The following PIAS3 variants were observed in gnomAD, a reference collection of about 807,000 sequenced individuals.
PIAS3 encodes E3 SUMO-protein ligase PIAS3.
Under a neutral mutation model 67.6 loss-of-function variants are expected in PIAS3, and 34 were observed. The ratio of observed to expected loss-of-function variants is 0.50; its 90% CI spans 0.38 to 0.67. PIAS3 has a LOEUF of 0.67. Ranked by LOEUF, PIAS3 falls within the 30% of genes least tolerant of loss-of-function variation. The pLI is 0.00. For synonymous variants in PIAS3, 341 were observed against 313.8 expected, an observed-to-expected ratio of 1.09 and a Z score of -0.92; for missense variants, 693 against 791.6, an observed-to-expected ratio of 0.88 and a Z score of 1.49.
At chr1:145,854,016 C>T (rs1174046941) in intron 7 of PIAS3, 130 bp from the exon 8 acceptor site, 7 of 705,652 alleles carry the variant, frequency 9.9e-6, no homozygotes, top group East Asian at 2.7e-5. Flanking sequence ...GCCAGTGGGA[C>T]GTCACATGGA....
chr1:145,850,373 T>G, intron 12 of PIAS3, 80 bp downstream of exon 12: 1 of 1,611,190 alleles, frequency 6.2e-7, no homozygotes, highest in Non-Finnish European at 8.5e-7. Context: ...AGCAGGAGGC[T>G]TTGAGAAGGA....
chr1:145,853,750 T>C (rs1653054235), intron 8 of PIAS3, 63 bp downstream of exon 8: 1 of 1,608,038 alleles, frequency 6.2e-7, no homozygotes, highest in African/African-American at 1.3e-5. Flanking sequence ...GGAACCCTCA[T>C]CAAAGTCCAC....
rs1553735676 is a variant in PIAS3 at position 145,856,597 on chromosome 1, G to A, written c.434C>T (p.Thr145Ile). The change falls in exon 2 of 14, where the codon ACC becomes ATC. Residue 145 changes from threonine to isoleucine, a missense_variant. By Grantham distance (89) the Thr-to-Ile change is moderately conservative. Transcript: ENST00000393045. Reference sequence around the variant, plus strand: ...ACCACAAAGAGCCATACCAAGGGTGGTGGGCCGGATGAGCTCCCCATAGAC... The same window carrying A: ...ACCACAAAGAGCCATACCAAGGGTGATGGGCCGGATGAGCTCCCCATAGAC... ...YEVYGELIRP[T>I]TLASTSSQRF... The A allele has an allele frequency of 6.4e-7, 1 of 1,566,212 alleles. No homozygotes were observed. The highest frequency in any genetic ancestry group is 1.2e-5 in the South Asian group (1 of 82,620).
At position 145,849,471 on chromosome 1, in the gene PIAS3, C is replaced by A; in HGVS notation, c.1862G>T (p.Arg621Leu). Reference protein sequence around the residue: ...LPSGPSLTGCRSDIISLD With the variant: ...LPSGPSLTGCLSDIISLD The stretch of plus-strand genomic sequence containing the variant: ...TCAGTCCAGGGAAATGATGTCTGAC[C>A]GACAGCCAGTCAAAGAGGGACCTGA... The change falls in exon 14 of 14, where the codon CGG (arginine) becomes CTG (leucine). Residue 621 changes from arginine (R) to leucine (L), a missense_variant. Coordinates refer to ENST00000393045, the MANE Select transcript of PIAS3 (RefSeq NM_006099.3). 1 of 1,508,654 alleles carries A rather than the reference C, an allele frequency of 6.6e-7. No individual in the cohort carries two copies. Among genetic ancestry groups the A allele is most frequent in the Non-Finnish European group, 8.8e-7 (1 of 1,132,646 alleles). The allele number at this position is 1,508,654 out of a possible 1,614,324, so 93.5% of individuals were successfully genotyped here.
rs1438805829 is a variant in PIAS3 at position 145,854,474 on chromosome 1, G to A, written c.894C>T (p.Asp298=). ...GTTACTCACTCAGTGCCCGCGAGTG[G>A]TCTGGGTTCCGGATACCCTTTGCTC... The part of the protein sequence containing the change: ...KLRAKGIRNP[D]HSRALIKEKL... Residue 298 remains aspartate (D), a synonymous_variant, in exon 7 of 14, where the codon GAC becomes GAT. Transcript: ENST00000393045. 2 of 1,613,114 alleles carry A rather than the reference G, an allele frequency of 1.2e-6. No individual in the cohort carries two copies. Among genetic ancestry groups the A allele is most frequent in the African/African-American group, 2.7e-5 (2 of 74,904 alleles).
At position 145,859,055 on chromosome 1, in the gene PIAS3, T is replaced by C; in HGVS notation, c.-65A>G. ...AGGCCCAGGGACCGGCGCACAACTC[T>C]CCACCCTGGCGCCGGCCGCAAATGC... On this transcript the variant is annotated 5_prime_UTR_variant, in exon 1 of 14. Transcript: ENST00000393045. The C allele has an allele frequency of 6.7e-7, 1 of 1,494,154 alleles. No individual in the cohort carries two copies. Among genetic ancestry groups the C allele is most frequent in the Non-Finnish European group, 9.0e-7 (1 of 1,114,662 alleles). 92.6% of individuals were successfully genotyped at this position (1,494,154 alleles called of 1,614,324 possible).
intron 11 of PIAS3, 67 bp from the exon 12 acceptor site, chr1:145,850,653 G>C: frequency 3.1e-6 from 5 of 1,600,000 alleles, no homozygotes; most frequent in Non-Finnish European, 3.4e-6. Flanking sequence ...CAGGTCCCCA[G>C]GTTCCCTCTC....
chr1:145,854,907 G>T (rs781823111), intron 5 of PIAS3, 27 bp from the exon 6 acceptor site: 23 of 1,612,730 alleles, frequency 1.4e-5, no homozygotes, highest in Non-Finnish European at 2.0e-5. Flanking sequence ...TTGGTCAGTG[G>T]AGAAGTGGCT....
intron 1 of PIAS3, 56 bp downstream of exon 1, chr1:145,858,911 G>C: frequency 1.4e-6 from 2 of 1,447,538 alleles, no homozygotes; most frequent in Non-Finnish European, 1.8e-6. Context: ...TCGCTTCCCG[G>C]ACACGGCGTA....
intron 5 of PIAS3, among the ~76,000 whole-genome samples, 154 bp from the exon 6 acceptor site, chr1:145,855,034 C>T (rs1361970397): frequency 6.6e-6 from 1 of 152,200 alleles, no homozygotes; most frequent in Non-Finnish European, 1.5e-5. Context: ...CATTCAGTGG[C>T]TCACAAAACT....
At chr1:145,855,342 C>T (rs1228459127) in intron 5 of PIAS3, among the ~76,000 whole-genome samples, 1 of 152,006 alleles carries the variant, frequency 6.6e-6, no homozygotes, top group East Asian at 1.9e-4. Context: ...ATTAGCCGGG[C>T]AGGGTGGTGG....
rs1653058307 is a variant in PIAS3, at chr1:145,853,858, G to T, written c.939C>A (p.Asp313Glu). The T allele has an allele frequency of 6.2e-7, 1 of 1,613,966 alleles. No homozygotes were observed. Among genetic ancestry groups the T allele is most frequent in the South Asian group, 1.1e-5 (1 of 91,080 alleles). The change falls in exon 8 of 14, where the codon GAC (aspartate) becomes GAA (glutamate). Residue 313 changes from aspartate to glutamate, a missense_variant. By Grantham distance (45) the Asp-to-Glu change is conservative. Transcript: ENST00000393045. ...LIKEKLTADP[D>E]SEVATTSLRV... ...GGAGACTTGTAGTGGCCACCTCACTGTCAGGGTCAGCAGTCAATTTCTCCT... is the reference window on the plus strand; with the variant it reads ...GGAGACTTGTAGTGGCCACCTCACTTTCAGGGTCAGCAGTCAATTTCTCCT...
Position 145,850,954 on chromosome 1 carries a change from A to T in PIAS3, c.1280-15T>A. 1 of 1,614,102 alleles carries T rather than the reference A, an allele frequency of 6.2e-7. No homozygotes were observed. Among genetic ancestry groups the T allele is most frequent in the Non-Finnish European group, 8.5e-7 (1 of 1,180,004 alleles). On this transcript the variant is annotated splice_polypyrimidine_tract_variant and intron_variant, in intron 10 of 13. Transcript: ENST00000393045. ...GTACTGGAGGCCTGTGGGTATTAAG[A>T]AGACTACGTCTCAGAGAAGAGGCCA...
chr1:145,856,115 C>T lies in PIAS3; in HGVS notation c.531G>A (p.Glu177=). 1 of 1,613,640 alleles carries T rather than the reference C, an allele frequency of 6.2e-7. No individual in the cohort carries two copies. Among genetic ancestry groups the T allele is most frequent in the Non-Finnish European group, 8.5e-7 (1 of 1,179,536 alleles). The part of the protein sequence containing the change: ...QQVQQILTSR[E]VLPGAKCDYT... The stretch of plus-strand genomic sequence containing the variant: ...AATCACATTTGGCTCCTGGCAGAAC[C>T]TCTCTGTAACAGGGAGGGAGATGAA... Residue 177 remains glutamate, a synonymous_variant, in exon 4 of 14, where the codon GAG becomes GAA. Transcript: ENST00000393045.
chr1:145,858,805 GC>G lies in PIAS3; in HGVS notation c.24+161del, dbSNP rs1341990367. ...GCCCCGCCCCCGGAGCCCCGCCGCA[GC>G]CCCTTCCTCGCTCTCAGCTACTTCT... On this transcript the variant is annotated intron_variant, in intron 1 of 13. Transcript: ENST00000393045. Among the ~76,000 whole-genome samples, 76 of 136,774 alleles carry G rather than the reference GC, an allele frequency of 5.6e-4. 1 individual carries two copies. The highest frequency in any genetic ancestry group is 2.0e-3 in the African/African-American group (72 of 36,652). The allele number at this position is 136,774 out of a possible 152,430, so 89.7% of individuals were successfully genotyped here. A position where few individuals can be genotyped will look rare whatever the true frequency, so the allele number is the denominator to read the frequency against.
intron 5 of PIAS3, among the ~76,000 whole-genome samples, chr1:145,855,493 A>G (rs1653132197): frequency 6.6e-6 from 1 of 151,964 alleles, no homozygotes; most frequent in Non-Finnish European, 1.5e-5. Flanking sequence ...CAAAAAAAAA[A>G]AACAAAAAAG....
At position 145,856,826 on chromosome 1, in the gene PIAS3, T is replaced by C; in HGVS notation, c.205A>G (p.Thr69Ala). ...ELYRRRFPRKTLGPSDLSLLS... is the reference protein window; with the variant it reads ...ELYRRRFPRKALGPSDLSLLS... ...AGGGAGAGATCAGAGGGCCCCAGGG[T>C]CTTCCGGGGAAAGCGTCGTCGGTAA... The change falls in exon 2 of 14, where the codon ACC becomes GCC. Residue 69 changes from threonine to alanine, a missense_variant. Physicochemically the swap from Thr to Ala is moderately conservative, Grantham distance 58. This residue lies in a region of PIAS3 where 308 missense variants were observed against 348.8 expected (regional missense o/e 0.88). Coordinates refer to ENST00000393045, the MANE Select transcript of PIAS3 (RefSeq NM_006099.3). 1.9e-6 allele frequency: 3 copies of C among 1,613,932 alleles called. No homozygotes were observed. Among genetic ancestry groups the C allele is most frequent in the Non-Finnish European group, 2.5e-6 (3 of 1,179,952 alleles).
Position 145,849,484 on chromosome 1 carries a change from A to G in PIAS3, c.1849T>C (p.Leu617=), listed in dbSNP as rs1293899724. Residue 617 remains leucine, a synonymous_variant, in exon 14 of 14, where the codon TTG becomes CTG. Coordinates refer to ENST00000393045, the MANE Select transcript of PIAS3 (RefSeq NM_006099.3). ...HGGPLPSGPS[L]TGCRSDIISL... ...ATGATGTCTGACCGACAGCCAGTCA[A>G]AGAGGGACCTGAGGGCAGGGGTCCT... The G allele has an allele frequency of 9.9e-6, 15 of 1,521,758 alleles. No individual in the cohort carries two copies. The highest frequency in any genetic ancestry group is 1.2e-5 in the Non-Finnish European group (14 of 1,139,450). The allele number at this position is 1,521,758 out of a possible 1,614,324, so 94.3% of individuals were successfully genotyped here. A position where few individuals can be genotyped will look rare whatever the true frequency, so the allele number is the denominator to read the frequency against.
intron 1 of PIAS3, 35 bp from the exon 2 acceptor site, chr1:145,857,041 C>G (rs1553735794): frequency 1.9e-6 from 3 of 1,595,856 alleles, no homozygotes; most frequent in Non-Finnish European, 2.6e-6. Flanking sequence ...GAGCATCCTC[C>G]CTTGCACAGG....
Sources: gnomAD v4.1 joint callset for allele counts (sites outside exome capture counted in the v4.1 genomes callset) on GRCh38, gnomAD v4.1.1 for gene constraint, gnomAD v4.1.1 regional missense constraint, MANE v1.5 for transcripts, NCBI Gene and HGNC (gene_info 2026-07-23, HGNC 2026-07-21) for gene names.